LRRC4C: variants seen among roughly 807,000 people sequenced by gnomAD.
LRRC4C encodes leucine rich repeat containing 4C.
Under a neutral mutation model 33.6 loss-of-function variants are expected in LRRC4C, and 5 were observed. The ratio of observed to expected loss-of-function variants is 0.15; its 90% CI spans 0.08 to 0.31. The LOEUF is 0.31. LRRC4C is among the 10% of genes least tolerant of loss of function. LRRC4C has a pLI of 1.00. For synonymous variants in LRRC4C, 329 were observed against 302.0 expected (o/e 1.09, Z -0.93); for missense variants, 560 against 796.7 (o/e 0.70, Z 3.58).
intron 1 of LRRC4C, among the ~76,000 whole-genome samples, chr11:41,178,602 C>T (rs912516279): frequency 2.0e-5 from 3 of 152,180 alleles, no homozygotes; most frequent in African/African-American, 7.2e-5. Context: ...AGCAAACTGC[C>T]CATCTCAGCC....
chr11:40,167,021 G>A (rs1859649489), intron 5 of LRRC4C, among the ~76,000 whole-genome samples: 1 of 152,128 alleles, frequency 6.6e-6, no homozygotes, highest in Non-Finnish European at 1.5e-5. Context: ...TTCTACATTA[G>A]TTAAGTGAAA....
chr11:40,237,272 G>A (rs1865631442), intron 5 of LRRC4C, among the ~76,000 whole-genome samples: 1 of 152,174 alleles, frequency 6.6e-6, no homozygotes, highest in African/African-American at 2.4e-5. Context: ...TCTTTCTTCT[G>A]CCTTTTACCT....
intron 3 of LRRC4C, among the ~76,000 whole-genome samples, chr11:40,411,311 G>T (rs962532340): frequency 6.6e-6 from 1 of 152,010 alleles, no homozygotes; most frequent in Non-Finnish European, 1.5e-5. Flanking sequence ...ACAGAGTTGA[G>T]ATTTTAGAGT....
At chr11:40,184,355 G>A (rs973596059) in intron 5 of LRRC4C, among the ~76,000 whole-genome samples, 4 of 152,098 alleles carry the variant, frequency 2.6e-5, no homozygotes, top group African/African-American at 7.2e-5. Context: ...AATACAGGGG[G>A]CCAGTAAAAT....
At chr11:41,289,708 CAT>C (rs1470672579) in intron 1 of LRRC4C, among the ~76,000 whole-genome samples, 1 of 152,164 alleles carries the variant, frequency 6.6e-6, no homozygotes, top group African/African-American at 2.4e-5. Context: ...TGAGAAAATA[CAT>C]GTTTGGTTTT....
At chr11:40,473,991 T>C (rs1174394228) in intron 3 of LRRC4C, among the ~76,000 whole-genome samples, 1 of 152,094 alleles carries the variant, frequency 6.6e-6, no homozygotes, top group Non-Finnish European at 1.5e-5. Flanking sequence ...TGGTCATGGA[T>C]AGAAAGAATC....
At chr11:40,129,497 T>A (rs1335557048) in intron 6 of LRRC4C, among the ~76,000 whole-genome samples, 1 of 152,166 alleles carries the variant, frequency 6.6e-6, no homozygotes, top group Non-Finnish European at 1.5e-5. Context: ...AATAACATGA[T>A]TGCCTTGAAA....
intron 1 of LRRC4C, among the ~76,000 whole-genome samples, chr11:41,410,481 C>A (rs541894354): frequency 6.6e-6 from 1 of 150,862 alleles, no homozygotes; most frequent in East Asian, 2.0e-4. Flanking sequence ...GCGCTATCTC[C>A]GCTCCCGGGT....
chr11:40,430,193 T>C (rs1023010473), intron 3 of LRRC4C, among the ~76,000 whole-genome samples: 11 of 143,480 alleles, frequency 7.7e-5, no homozygotes, highest in African/African-American at 2.8e-4. Flanking sequence ...ATCAGAGGAG[T>C]TAGCTTAAAA....
intron 1 of LRRC4C, among the ~76,000 whole-genome samples, chr11:41,014,995 T>C (rs1855477335): frequency 6.6e-6 from 1 of 152,178 alleles, no homozygotes; most frequent in East Asian, 1.9e-4. Flanking sequence ...AGCAATTTAT[T>C]TTAGTAAAGT....
intron 2 of LRRC4C, among the ~76,000 whole-genome samples, chr11:40,772,898 T>A (rs1320420052): frequency 6.6e-6 from 1 of 152,128 alleles, no homozygotes; most frequent in Non-Finnish European, 1.5e-5. Flanking sequence ...ATATCTGCAC[T>A]CCCGTGTTTA....
chr11:40,624,061 C>T (rs773092570), intron 3 of LRRC4C, among the ~76,000 whole-genome samples: 1 of 151,990 alleles, frequency 6.6e-6, no homozygotes, highest in Non-Finnish European at 1.5e-5. Context: ...TATCAAAAGC[C>T]ACTTGCGTAT....
chr11:40,616,677 G>T (rs1200708250), intron 3 of LRRC4C, among the ~76,000 whole-genome samples: 4 of 151,672 alleles, frequency 2.6e-5, no homozygotes, highest in Non-Finnish European at 4.4e-5. Context: ...ACCAAACACT[G>T]CATGTTCTCA....
intron 1 of LRRC4C, among the ~76,000 whole-genome samples, chr11:41,120,186 C>A (rs535230684): frequency 6.6e-6 from 1 of 152,158 alleles, no homozygotes; most frequent in East Asian, 1.9e-4. Context: ...CAAAGGAGTC[C>A]AGAGGCTGAG....
chr11:40,674,182 A>G (rs1944273444), intron 2 of LRRC4C, among the ~76,000 whole-genome samples: 1 of 152,232 alleles, frequency 6.6e-6, no homozygotes, highest in South Asian at 2.1e-4. Context: ...GGCTTTGCCT[A>G]TAGGATTCGA....
intron 1 of LRRC4C, among the ~76,000 whole-genome samples, chr11:41,014,729 G>A (rs766896638): frequency 9.9e-5 from 15 of 152,096 alleles, no homozygotes; most frequent in Non-Finnish European, 1.9e-4. Flanking sequence ...CCAGGGCAAA[G>A]TGTAAGGTAA....
chr11:41,072,211 G>A (rs1938737250), intron 1 of LRRC4C, among the ~76,000 whole-genome samples: 1 of 144,642 alleles, frequency 6.9e-6, no homozygotes. Context: ...TGGATAAAAT[G>A]CTGTCAAACA....
At chr11:40,676,188 G>A (rs947363442) in intron 2 of LRRC4C, among the ~76,000 whole-genome samples, 2 of 152,074 alleles carry the variant, frequency 1.3e-5, no homozygotes, top group Non-Finnish European at 2.9e-5. Flanking sequence ...ACTGAACAAC[G>A]TTAACTTTTT....
chr11:40,407,641 T>C (rs1487875844), intron 3 of LRRC4C, among the ~76,000 whole-genome samples: 1 of 152,114 alleles, frequency 6.6e-6, no homozygotes, highest in Non-Finnish European at 1.5e-5. Flanking sequence ...TCTCCTGTTC[T>C]AGCTCCAACT....
Sources: gnomAD v4.1 joint callset for allele counts (sites outside exome capture counted in the v4.1 genomes callset) on GRCh38, gnomAD v4.1.1 for gene constraint, MANE v1.5 for transcripts, NCBI Gene and HGNC (gene_info 2026-07-23, HGNC 2026-07-21) for gene names.